PDE1C: variants seen among roughly 807,000 people sequenced by gnomAD.
PDE1C encodes the protein dual specificity calcium/calmodulin-dependent 3',5'-cyclic nucleotide phosphodiesterase 1C.
PDE1C carries 62 observed loss-of-function variants against 93.1 expected under a neutral mutation model. The observed-to-expected ratio is 0.67, with a 90% CI of 0.54 to 0.82. The LOEUF (loss-of-function observed/expected upper bound fraction) is 0.82. PDE1C is among the 40% of genes least tolerant of loss of function. PDE1C has a pLI of 0.00. For missense variants in PDE1C, 742 were observed against 884.6 expected, an observed-to-expected ratio of 0.84 and a Z score of 2.04; for synonymous variants, 325 against 310.1, an observed-to-expected ratio of 1.05 and a Z score of -0.50.
At chr7:31,854,702 T>TA (rs565065360) in intron 7 of PDE1C, among the ~76,000 whole-genome samples, 154 of 152,302 alleles carry the variant, frequency 1.0e-3, no homozygotes, top group African/African-American at 3.5e-3. Context: ...TCTATGTGAA[T>TA]GATAGAGTTT....
At chr7:32,290,211 G>A (rs1160164643) in intron 1 of PDE1C, among the ~76,000 whole-genome samples, 1 of 152,180 alleles carries the variant, frequency 6.6e-6, no homozygotes, top group Non-Finnish European at 1.5e-5. Flanking sequence ...ACCCGGCTTG[G>A]CTGAGACAGG....
intron 1 of PDE1C, among the ~76,000 whole-genome samples, chr7:32,307,101 G>T (rs769672802): frequency 1.3e-5 from 2 of 152,264 alleles, no homozygotes; most frequent in African/African-American, 2.4e-5. Context: ...GTCATTTATT[G>T]TACACCTACT....
intron 3 of PDE1C, among the ~76,000 whole-genome samples, chr7:32,106,463 G>T (rs1798317854): frequency 6.6e-6 from 1 of 152,108 alleles, no homozygotes; most frequent in South Asian, 2.1e-4. Flanking sequence ...ATAGAGAGAA[G>T]TGGGAAAGGG....
the PDE1C span, among the ~76,000 whole-genome samples, chr7:31,654,767 A>G: frequency 2.0e-5 from 3 of 152,304 alleles, no homozygotes; most frequent in African/African-American, 7.2e-5. Flanking sequence ...AGGGAAGTTT[A>G]TAATTTGTAT....
chr7:32,010,624 T>C (rs796605091), intron 2 of PDE1C, among the ~76,000 whole-genome samples: 65 of 152,300 alleles, frequency 4.3e-4, no homozygotes, highest in African/African-American at 1.5e-3. Context: ...ACAAACCAGG[T>C]CACTATAAAA....
At chr7:32,340,651 T>C (rs926533580) in intron 1 of PDE1C, among the ~76,000 whole-genome samples, 3 of 152,230 alleles carry the variant, frequency 2.0e-5, no homozygotes, top group African/African-American at 4.8e-5. Flanking sequence ...AATGGCATAT[T>C]ATTCAGCATT....
chr7:31,655,705 T>C, the PDE1C span: 7 of 985,368 alleles, frequency 7.1e-6, no homozygotes, highest in East Asian at 1.1e-4. Flanking sequence ...CCCAGCCAAA[T>C]TGACTCCTGA....
the PDE1C span, chr7:31,642,109 G>A: frequency 8.6e-7 from 1 of 1,163,448 alleles, no homozygotes; most frequent in Non-Finnish European, 1.2e-6. Context: ...ACCTAGAGGG[G>A]TTGATCCAAG....
intron 1 of PDE1C, among the ~76,000 whole-genome samples, chr7:32,235,084 G>T (rs1349173489): frequency 6.6e-6 from 1 of 151,842 alleles, no homozygotes; most frequent in Non-Finnish European, 1.5e-5. Flanking sequence ...CAGCAAACTA[G>T]GAACAGAAAG....
At chr7:32,006,959 G>A (rs983317674) in intron 2 of PDE1C, among the ~76,000 whole-genome samples, 16 of 152,136 alleles carry the variant, frequency 1.1e-4, no homozygotes, top group African/African-American at 4.8e-5. Flanking sequence ...ATACTTCAGT[G>A]GTAGAGGACT....
At chr7:31,625,411 G>A in the PDE1C span, among the ~76,000 whole-genome samples, 5 of 151,952 alleles carry the variant, frequency 3.3e-5, no homozygotes, top group African/African-American at 7.3e-5. Context: ...AGAAAATGTG[G>A]CACATATACA....
intron 2 of PDE1C, among the ~76,000 whole-genome samples, chr7:32,185,247 GAAA>G (rs60570476): frequency 0.051 from 5,177 of 101,512 alleles, 252 homozygotes; most frequent in African/African-American, 0.16. Context: ...CTCTGTCTCA[GAAA>G]AAAAAAAAAA....
At chr7:31,826,101 G>A (rs1017203618) in intron 12 of PDE1C, among the ~76,000 whole-genome samples, 1 of 152,194 alleles carries the variant, frequency 6.6e-6, no homozygotes, top group Non-Finnish European at 1.5e-5. Context: ...GCTGAAGCTA[G>A]TGGGGATGCT....
chr7:31,851,347 G>T (rs1793325114), intron 7 of PDE1C, among the ~76,000 whole-genome samples: 1 of 152,202 alleles, frequency 6.6e-6, no homozygotes, highest in Non-Finnish European at 1.5e-5. Flanking sequence ...CTGGGAGCTT[G>T]TTAGAAATGC....
chr7:32,215,601 A>C (rs1381360700), intron 1 of PDE1C, among the ~76,000 whole-genome samples: 5 of 152,196 alleles, frequency 3.3e-5, no homozygotes, highest in Admixed American at 3.3e-4. Context: ...AGCAATGAGC[A>C]TCCTAACCCC....
intron 3 of PDE1C, among the ~76,000 whole-genome samples, chr7:32,152,880 G>T (rs553525483): frequency 1.2e-3 from 182 of 152,232 alleles, no homozygotes; most frequent in African/African-American, 4.1e-3. Flanking sequence ...ATAACTATGA[G>T]AATAAGGCAT....
At chr7:32,006,140 A>G (rs1786225731) in intron 2 of PDE1C, among the ~76,000 whole-genome samples, 1 of 152,126 alleles carries the variant, frequency 6.6e-6, no homozygotes, top group East Asian at 1.9e-4. Flanking sequence ...CAGGAGTTTT[A>G]TTTGTTTAAT....
intron 2 of PDE1C, among the ~76,000 whole-genome samples, chr7:32,193,793 G>T (rs1233284504): frequency 6.6e-6 from 1 of 151,980 alleles, no homozygotes; most frequent in East Asian, 1.9e-4. Flanking sequence ...ATTGCGGGGG[G>T]AGGACAGCTT....
At chr7:31,869,071 A>G (rs1451934828) in intron 6 of PDE1C, among the ~76,000 whole-genome samples, 1 of 152,096 alleles carries the variant, frequency 6.6e-6, no homozygotes, top group Non-Finnish European at 1.5e-5. Flanking sequence ...ACAGAGAAAC[A>G]ACATCTACCA....
Sources: gnomAD v4.1 joint callset for allele counts (sites outside exome capture counted in the v4.1 genomes callset) on GRCh38, gnomAD v4.1.1 for gene constraint, MANE v1.5 for transcripts, NCBI Gene and HGNC (gene_info 2026-07-23, HGNC 2026-07-21) for gene names.